Variants in AMD1 observed in about 807,000 individuals in gnomAD.
The protein encoded by AMD1 is adenosylmethionine decarboxylase 1.
AMD1 carries 11 observed loss-of-function variants against 40.2 expected under a neutral mutation model. The ratio of observed to expected loss-of-function variants is 0.27; its 90% CI spans 0.17 to 0.45. The LOEUF (loss-of-function observed/expected upper bound fraction) is 0.45, where lower values mean the gene tolerates loss of function less well. Among genes scored for constraint, AMD1 ranks in the 20% least tolerant of loss-of-function variants. The pLI is 1.00. For missense variants in AMD1, 257 were observed against 410.2 expected (o/e 0.63, Z 3.23); for synonymous variants, 121 against 130.8 (o/e 0.93, Z 0.51).
chr6:110,884,062 G>A (rs531876567), intron 1 of AMD1, among the ~76,000 whole-genome samples: 2 of 152,362 alleles, frequency 1.3e-5, no homozygotes, highest in South Asian at 4.1e-4. Flanking sequence ...GCACATCAGA[G>A]GCTTTGAAAA....
the AMD1 span, among the ~76,000 whole-genome samples, chr6:110,867,155 C>CTTT: frequency 7.0e-6 from 1 of 143,854 alleles, no homozygotes; most frequent in African/African-American, 2.6e-5. Context: ...TTCTTTTTTT[C>CTTT]TTTTTTTTTT....
the AMD1 span, chr6:110,815,242 C>T: frequency 1.1e-6 from 1 of 935,276 alleles, no homozygotes; most frequent in Admixed American, 5.2e-5. Flanking sequence ...AGCCGCCTCT[C>T]GCGCGCGCGC....
upstream of AMD1, among the ~76,000 whole-genome samples, chr6:110,871,944 C>T (rs1194579343): frequency 6.6e-6 from 1 of 152,096 alleles, no homozygotes; most frequent in African/African-American, 2.4e-5. Flanking sequence ...AGCACTGCAG[C>T]ATTGGGAAGA....
the AMD1 span, among the ~76,000 whole-genome samples, chr6:110,830,383 C>T: frequency 1.3e-5 from 2 of 152,044 alleles, no homozygotes; most frequent in African/African-American, 4.8e-5. Context: ...CCACTCAGGT[C>T]GGAGGCAGGA....
chr6:110,859,276 T>C, the AMD1 span: 1 of 369,900 alleles, frequency 2.7e-6, no homozygotes, highest in South Asian at 3.1e-5. Context: ...AGTGGCGGTG[T>C]GGGATCAGGG....
upstream of AMD1, among the ~76,000 whole-genome samples, chr6:110,872,986 T>G (rs1784944975): frequency 6.6e-6 from 1 of 152,232 alleles, no homozygotes; most frequent in South Asian, 2.1e-4. Context: ...TTTATCTTTA[T>G]TCCAAGTAGA....
chr6:110,868,109 G>A, the AMD1 span, among the ~76,000 whole-genome samples: 1 of 151,938 alleles, frequency 6.6e-6, no homozygotes, highest in Non-Finnish European at 1.5e-5. Context: ...ACAGGTGTGA[G>A]CCACCACACC....
the AMD1 span, chr6:110,856,525 G>T: frequency 6.6e-6 from 1 of 152,210 alleles, no homozygotes; most frequent in Non-Finnish European, 1.5e-5. Context: ...ATGTTAAGGG[G>T]GGGAAAAGCA....
the AMD1 span, among the ~76,000 whole-genome samples, chr6:110,841,604 GT>G: frequency 6.6e-6 from 1 of 151,838 alleles, no homozygotes; most frequent in African/African-American, 2.4e-5. Context: ...AGTTTAGATT[GT>G]GCGGTCTGGC....
chr6:110,861,854 CA>C, the AMD1 span, among the ~76,000 whole-genome samples: 13 of 150,516 alleles, frequency 8.6e-5, no homozygotes, highest in African/African-American at 2.9e-4. Flanking sequence ...ATCACACACA[CA>C]AAAAAAAGAT....
chr6:110,864,757 C>T, the AMD1 span, among the ~76,000 whole-genome samples: 1 of 152,200 alleles, frequency 6.6e-6, no homozygotes, highest in East Asian at 1.9e-4. Context: ...ATTTTGTAAA[C>T]TCTGACTAGC....
the AMD1 span, among the ~76,000 whole-genome samples, chr6:110,837,606 G>T: frequency 1.4e-5 from 2 of 148,102 alleles, no homozygotes; most frequent in African/African-American, 5.0e-5. Flanking sequence ...AGCTATTCGG[G>T]AGTCTGAGGC....
intron 1 of AMD1, among the ~76,000 whole-genome samples, chr6:110,876,499 C>G (rs1015042422): frequency 7.9e-5 from 12 of 152,322 alleles, no homozygotes; most frequent in African/African-American, 2.9e-4. Flanking sequence ...GGAATCCAGG[C>G]AGACACGTGC....
the AMD1 span, among the ~76,000 whole-genome samples, chr6:110,868,229 G>T: frequency 2.6e-5 from 4 of 151,878 alleles, no homozygotes; most frequent in Non-Finnish European, 4.4e-5. Flanking sequence ...CTCACTGCAA[G>T]TTCTGCCTCC....
the AMD1 span, among the ~76,000 whole-genome samples, chr6:110,836,980 C>T: frequency 6.6e-6 from 1 of 151,534 alleles, no homozygotes; most frequent in African/African-American, 2.4e-5. Flanking sequence ...ATAATGAGAC[C>T]TTGTCTCTAC....
chr6:110,849,225 G>A, the AMD1 span, among the ~76,000 whole-genome samples: 1 of 152,140 alleles, frequency 6.6e-6, no homozygotes, highest in South Asian at 2.1e-4. Context: ...GAGTGTGATC[G>A]CTTAGGAATA....
chr6:110,835,049 C>T, the AMD1 span, among the ~76,000 whole-genome samples: 4 of 143,384 alleles, frequency 2.8e-5, no homozygotes, highest in Non-Finnish European at 6.0e-5. Context: ...GACAGAGTCT[C>T]ACTCTGTCGC....
At chr6:110,880,091 T>C (rs533771383) in intron 1 of AMD1, among the ~76,000 whole-genome samples, 152 of 151,988 alleles carry the variant, frequency 1.0e-3, no homozygotes, top group Non-Finnish European at 1.7e-3. Context: ...TAATAGTGGG[T>C]ACTACAGGTA....
chr6:110,882,130 A>G (rs556506230), intron 1 of AMD1, among the ~76,000 whole-genome samples: 188 of 152,326 alleles, frequency 1.2e-3, no homozygotes, highest in Non-Finnish European at 2.4e-3. Flanking sequence ...TTCTAGCTTA[A>G]TACTATCTTT....
Sources: allele counts gnomAD v4.1 joint callset (sites outside exome capture counted in the v4.1 genomes callset), GRCh38; gene constraint gnomAD v4.1.1; transcripts MANE v1.5; gene names NCBI Gene and HGNC (gene_info 2026-07-23, HGNC 2026-07-21).